DNAJC11: variants seen among roughly 807,000 people sequenced by gnomAD.
DNAJC11 encodes the protein DnaJ heat shock protein family (Hsp40) member C11.
In DNAJC11, 15 loss-of-function variants were observed where a neutral mutation model predicts 78.6. The observed-to-expected ratio is 0.19, with a 90% CI of 0.13 to 0.29. DNAJC11 has a LOEUF of 0.29. DNAJC11 is among the 10% of genes least tolerant of loss of function. The pLI, the probability that DNAJC11 is intolerant of heterozygous loss-of-function variation, is 1.00. For synonymous variants in DNAJC11, 292 were observed against 272.1 expected, an observed-to-expected ratio of 1.07 and a Z score of -0.72; for missense variants, 547 against 709.6, an observed-to-expected ratio of 0.77 and a Z score of 2.60.
Position 6,678,081 on chromosome 1 carries a change from C to T in DNAJC11, c.276+313G>A, listed in dbSNP as rs1480246344. On this transcript the variant is annotated intron_variant, in intron 3 of 15. Transcript: ENST00000377577. ...CCTTGAAGAAATCGTCTCCCATCAA[C>T]CCCCTGCTCCGCTTGCTCCCGCCCC... is the stretch of plus-strand genomic sequence containing the variant. Among the ~76,000 whole-genome samples, 3 of 152,182 alleles carry T rather than the reference C, an allele frequency of 2.0e-5. No individual in the cohort carries two copies. The East Asian group carries it at 5.8e-4, about 29-fold the overall frequency.
chr1:6,663,914 C>CAAGG lies in DNAJC11; in HGVS notation c.378+3791_378+3794dup, dbSNP rs1346885995. On this transcript the variant is annotated intron_variant, in intron 4 of 15. Transcript: ENST00000377577. Reference sequence around the variant, plus strand: ...ACTAAGAATGCAGAAGGGACTTGATCAAGGGCACAGACAGGAAGGTGGAAT... The same window carrying CAAGG: ...ACTAAGAATGCAGAAGGGACTTGATCAAGGAAGGGCACAGACAGGAAGGTGGAAT... 2.6e-4 allele frequency among the ~76,000 whole-genome samples: 40 copies of CAAGG among 152,330 alleles called. 1 individual carries two copies. The highest frequency in any genetic ancestry group is 9.6e-4 in the African/African-American group (40 of 41,566).
Position 6,645,507 on chromosome 1 carries a change from G to A in DNAJC11, c.894+282C>T, listed in dbSNP as rs567230562. Reference sequence around the variant, plus strand: ...TTCTGCTATGGGGCTTCATCTGCCCGCCCCCAATTCCGTGGGTGGCTCCCA... The same window carrying A: ...TTCTGCTATGGGGCTTCATCTGCCCACCCCCAATTCCGTGGGTGGCTCCCA... On this transcript the variant is annotated intron_variant, in intron 8 of 15. Transcript: ENST00000377577. The surrounding 1 kb of genome is among the most constrained non-coding windows in gnomAD (Gnocchi z 4.1). 4.5e-4 allele frequency among the ~76,000 whole-genome samples: 69 copies of A among 152,292 alleles called. 1 individual carries two copies. The South Asian group carries it at 0.013, about 28-fold the overall frequency.
In DNAJC11 at chr1:6,645,795, G is replaced by A; in HGVS notation, c.888C>T (p.Ala296=). ...TGATGGCTGCTCGGCTCACCTGCAG[G>A]GCCACAGTGAAGTGGCTGGTTTTAG... ...RDTKTSHFTV[A]LQLGIPHSFA... is the part of the protein sequence containing the mutation. The change falls in exon 8 of 16, where the codon GCC becomes GCT. Residue 296 remains alanine, a synonymous_variant. Transcript: ENST00000377577. The surrounding 1 kb of genome is among the most constrained non-coding windows in gnomAD (Gnocchi z 4.1). 1.2e-6 allele frequency: 2 copies of A among 1,613,802 alleles called. No individual in the cohort carries two copies. Among genetic ancestry groups the A allele is most frequent in the Non-Finnish European group, 1.7e-6 (2 of 1,179,714 alleles).
chr1:6,653,598 A>G lies in DNAJC11; in HGVS notation c.507+313T>C, dbSNP rs1642086720. Reference sequence around the variant, plus strand: ...AACTGGTTGTTAGAATGATCCATGGAGGTCTGCTTTCTCTCCCAGAACCCC... The same window carrying G: ...AACTGGTTGTTAGAATGATCCATGGGGGTCTGCTTTCTCTCCCAGAACCCC... On this transcript the variant is annotated intron_variant, in intron 5 of 15. Coordinates refer to ENST00000377577, the MANE Select transcript of DNAJC11 (RefSeq NM_018198.4). The surrounding 1 kb of genome is among the most constrained non-coding windows in gnomAD (Gnocchi z 4.5). Among the ~76,000 whole-genome samples the G allele has an allele frequency of 6.6e-6, 1 of 152,100 alleles. No individual in the cohort carries two copies. Among genetic ancestry groups the G allele is most frequent in the African/African-American group, 2.4e-5 (1 of 41,402 alleles).
rs536965037 is a variant in DNAJC11 at position 6,644,367 on chromosome 1, C to T, written c.1097+191G>A. Among the ~76,000 whole-genome samples, 397 of 152,336 alleles carry T rather than the reference C, an allele frequency of 2.6e-3. 2 individuals are homozygous for T. The highest frequency in any genetic ancestry group is 9.0e-3 in the African/African-American group (376 of 41,584). On this transcript the variant is annotated intron_variant, in intron 10 of 15. Transcript: ENST00000377577. ...CAGGCTGGTCTCAAACTCCTGACCT[C>T]AGGCGATCCGGCCGCCTTGGCCTCC... is the stretch of plus-strand genomic sequence containing the variant.
At chr1:6,655,055 C>T (rs1642107333) in intron 4 of DNAJC11, among the ~76,000 whole-genome samples, 1 of 152,170 alleles carries the variant, frequency 6.6e-6, no homozygotes, top group African/African-American at 2.4e-5. Flanking sequence ...CCTCGGCCTC[C>T]CAAAGTGCTG....
chr1:6,700,753 C>T (rs1307865014), intron 1 of DNAJC11, among the ~76,000 whole-genome samples: 1 of 152,206 alleles, frequency 6.6e-6, no homozygotes, highest in Non-Finnish European at 1.5e-5. Flanking sequence ...TGACAACACA[C>T]ACTGAACCCG....
At chr1:6,661,137 A>G (rs1642205888) in intron 4 of DNAJC11, among the ~76,000 whole-genome samples, 1 of 152,252 alleles carries the variant, frequency 6.6e-6, no homozygotes, top group Admixed American at 6.5e-5. Context: ...ACCACCACCC[A>G]GGTGGAATGA....
chr1:6,680,763 G>T lies in DNAJC11; in HGVS notation c.202+145C>A. On this transcript the variant is annotated intron_variant, in intron 2 of 15. Transcript: ENST00000377577. The surrounding 1 kb of genome is among the most constrained non-coding windows in gnomAD (Gnocchi z 4.0). ...AAAGCAAAATACTATTCTTTCAAAG[G>T]ACCCTGTCAGTGAAAAGTACTAAAC... The T allele has an allele frequency of 1.1e-6, 1 of 927,326 alleles. No homozygotes were observed. Among genetic ancestry groups the T allele is most frequent in the Non-Finnish European group, 1.6e-6 (1 of 634,198 alleles). 57.4% of individuals were successfully genotyped at this position (927,326 alleles called of 1,614,324 possible). A position where few individuals can be genotyped will look rare whatever the true frequency, so the allele number is the denominator to read the frequency against.
chr1:6,661,997 C>T (rs1186867199), intron 4 of DNAJC11, among the ~76,000 whole-genome samples: 1 of 152,136 alleles, frequency 6.6e-6, no homozygotes, highest in East Asian at 1.9e-4. Context: ...ATCTTGAAGG[C>T]TGGAGCCAGG....
chr1:6,691,397 C>A (rs1348374217), intron 1 of DNAJC11, among the ~76,000 whole-genome samples: 1 of 152,156 alleles, frequency 6.6e-6, no homozygotes, highest in African/African-American at 2.4e-5. Context: ...TTTCATTACT[C>A]TTCCTGGTCA....
chr1:6,661,773 C>G (rs1024975989), intron 4 of DNAJC11, among the ~76,000 whole-genome samples: 2 of 152,228 alleles, frequency 1.3e-5, no homozygotes, highest in African/African-American at 4.8e-5. Context: ...ATCAGAATCA[C>G]TTCTGCAGAA....
intron 1 of DNAJC11, among the ~76,000 whole-genome samples, chr1:6,693,379 TTTA>T (rs1642781607): frequency 6.6e-6 from 1 of 152,192 alleles, no homozygotes; most frequent in South Asian, 2.1e-4. Flanking sequence ...CACATTTTTA[TTTA>T]TTGTTATATT....
At chr1:6,678,500 T>TACAAAATTCAC in intron 2 of DNAJC11, 33 bp from the exon 3 acceptor site, 1 of 1,581,258 alleles carries the variant, frequency 6.3e-7, no homozygotes, top group South Asian at 1.1e-5. Flanking sequence ...GTTTATAAAA[T>TACAAAATTCAC]ACAAAATTCA....
In DNAJC11 at chr1:6,671,527, C is replaced by A. The variant is rs552099619; in HGVS notation, c.277-3717G>T. ...CTGGAATTAGAGGCGTGAGCCACTG[C>A]GCCTGGCCATTTTTTTTTTTTTGAG... On this transcript the variant is annotated intron_variant, in intron 3 of 15. Coordinates refer to ENST00000377577, the MANE Select transcript of DNAJC11 (RefSeq NM_018198.4). Among the ~76,000 whole-genome samples, 205 of 148,052 alleles carry A rather than the reference C, an allele frequency of 1.4e-3. 1 individual carries two copies. The highest frequency in any genetic ancestry group is 4.8e-3 in the African/African-American group (192 of 39,748).
In DNAJC11 at chr1:6,644,623, G is replaced by A. The variant is rs1432188018; in HGVS notation, c.1032C>T (p.Ser344=). The part of the protein sequence containing the change: ...VVEYGAERKI[S]RHSVLGAAVS... ...CAGCTGCACCCAAAACGCTGTGCCT[G>A]GAGATCTTCCTCTCAGCTCCGTACT... Residue 344 remains serine (S), a synonymous_variant, in exon 10 of 16, where the codon TCC becomes TCT. Transcript: ENST00000377577. The A allele has an allele frequency of 1.9e-6, 3 of 1,614,212 alleles. No homozygotes were observed. The highest frequency in any genetic ancestry group is 2.2e-5 in the East Asian group (1 of 44,886).
intron 4 of DNAJC11, among the ~76,000 whole-genome samples, chr1:6,654,470 A>G (rs1309975639): frequency 6.6e-6 from 1 of 152,234 alleles, no homozygotes; most frequent in Non-Finnish European, 1.5e-5. Flanking sequence ...AACTCTTTAA[A>G]TAAAAATACC....
At chr1:6,693,320 A>G (rs1642777270) in intron 1 of DNAJC11, among the ~76,000 whole-genome samples, 1 of 152,208 alleles carries the variant, frequency 6.6e-6, no homozygotes, top group Non-Finnish European at 1.5e-5. Context: ...GAAGCATACC[A>G]AGTATGTCTT....
At position 6,636,130 on chromosome 1, in the gene DNAJC11, C is replaced by A; in HGVS notation, c.1641G>T (p.Arg547=). ...QVMVLDSEAL[R]IPKQSHRIDT... ...ACGGCTACTCACACTGCTTTGGTATCCGGAGGGCCTCACTGTCCAGCACCA... is the reference window on the plus strand; with the variant it reads ...ACGGCTACTCACACTGCTTTGGTATACGGAGGGCCTCACTGTCCAGCACCA... Residue 547 remains arginine (R), a synonymous_variant, in exon 15 of 16, where the codon CGG becomes CGT. Coordinates refer to ENST00000377577, the MANE Select transcript of DNAJC11 (RefSeq NM_018198.4). 6.2e-7 allele frequency: 1 copy of A among 1,614,012 alleles called. No homozygotes were observed. Among genetic ancestry groups the A allele is most frequent in the Non-Finnish European group, 8.5e-7 (1 of 1,179,970 alleles).
Sources: gnomAD v4.1 joint callset for allele counts (sites outside exome capture counted in the v4.1 genomes callset) on GRCh38, gnomAD v4.1.1 for gene constraint, Gnocchi (gnomAD v3.1) non-coding constraint, MANE v1.5 for transcripts, NCBI Gene and HGNC (gene_info 2026-07-23, HGNC 2026-07-21) for gene names.